The following RHOBTB2 variants were observed in gnomAD, a reference collection of about 807,000 sequenced individuals.
The protein encoded by RHOBTB2 is Rho related BTB domain containing 2.
RHOBTB2 carries 39 observed loss-of-function variants against 66.5 expected under a neutral mutation model. The observed-to-expected ratio is 0.59, with a 90% CI of 0.45 to 0.77. The LOEUF (loss-of-function observed/expected upper bound fraction) is 0.77. Among genes scored for constraint, RHOBTB2 ranks in the 30% least tolerant of loss-of-function variants. The pLI is 0.00. For synonymous variants in RHOBTB2, 390 were observed against 395.0 expected, an observed-to-expected ratio of 0.99 and a Z score of 0.15; for missense variants, 755 against 999.1, an observed-to-expected ratio of 0.76 and a Z score of 3.29.
chr8:22,998,572 A>C (rs1810645703), upstream of RHOBTB2, among the ~76,000 whole-genome samples: 1 of 152,104 alleles, frequency 6.6e-6, no homozygotes, highest in African/African-American at 2.4e-5. Flanking sequence ...CGTCTCTACC[A>C]AAAATACATA....
upstream of RHOBTB2, among the ~76,000 whole-genome samples, chr8:22,998,474 C>T (rs533788018): frequency 1.3e-5 from 2 of 152,270 alleles, no homozygotes; most frequent in Admixed American, 6.5e-5. Flanking sequence ...TGGCTCACGC[C>T]TGTAATCCTA....
At position 23,000,119 on chromosome 8, in the gene RHOBTB2, T is replaced by C. The variant is rs1209932861; in HGVS notation, c.-11+14T>C. 5.3e-5 allele frequency: 52 copies of C among 985,394 alleles called. No homozygotes were observed. Among genetic ancestry groups the C allele is most frequent in the Non-Finnish European group, 6.0e-5 (50 of 829,992 alleles). 61.0% of individuals were successfully genotyped at this position (985,394 alleles called of 1,614,324 possible). On this transcript the variant is annotated intron_variant, in intron 1 of 9. Coordinates refer to ENST00000251822, the MANE Select transcript of RHOBTB2 (RefSeq NM_015178.3). ...ACATGTAGTGGTGTAAGTAGATGGCTGCTTGCGGTTATGGCGGGGTGGCCA... is the reference window on the plus strand; with the variant it reads ...ACATGTAGTGGTGTAAGTAGATGGCCGCTTGCGGTTATGGCGGGGTGGCCA...
At chr8:22,977,571 CAA>C in the RHOBTB2 span, among the ~76,000 whole-genome samples, 680 of 136,564 alleles carry the variant, frequency 5.0e-3, 7 homozygotes, top group Middle Eastern at 0.031. Flanking sequence ...GACCCTTTCT[CAA>C]AAAAAAAAAA....
chr8:22,978,461 T>C, the RHOBTB2 span, among the ~76,000 whole-genome samples: 2 of 141,952 alleles, frequency 1.4e-5, no homozygotes, highest in Non-Finnish European at 3.0e-5. Flanking sequence ...CACTCCAGCC[T>C]GGGCGACAGA....
the RHOBTB2 span, among the ~76,000 whole-genome samples, chr8:22,960,852 G>C: frequency 6.6e-6 from 1 of 152,146 alleles, no homozygotes; most frequent in Admixed American, 6.5e-5. Flanking sequence ...GCCATGAATT[G>C]TAAGACCTTC....
At chr8:22,983,488 GA>G (rs113934503), upstream of RHOBTB2, among the ~76,000 whole-genome samples, 8,258 of 119,226 alleles carry the variant, frequency 0.069, 280 homozygotes, top group South Asian at 0.18. Context: ...CACCTCTCAA[GA>G]AAAAAAAAAA....
chr8:23,005,279 C>T lies in RHOBTB2; in HGVS notation c.193-93C>T, dbSNP rs527296721. 44 of 881,850 alleles carry T rather than the reference C, an allele frequency of 5.0e-5. No homozygotes were observed. The African/African-American group carries it at 6.4e-4, about 13-fold the overall frequency. The allele number at this position is 881,850 out of a possible 1,614,324, so 54.6% of individuals were successfully genotyped here. A position where few individuals can be genotyped will look rare whatever the true frequency, so the allele number is the denominator to read the frequency against. Reference sequence around the variant, plus strand: ...CCTCCATGCCCAGTGATGTCTGGGGCCCCCAGGTGTCAGCCGGCGCTTATC... The same window carrying T: ...CCTCCATGCCCAGTGATGTCTGGGGTCCCCAGGTGTCAGCCGGCGCTTATC... On this transcript the variant is annotated intron_variant, in intron 2 of 9. Transcript: ENST00000251822.
At chr8:22,996,448 G>A (rs1290965760), upstream of RHOBTB2, among the ~76,000 whole-genome samples, 1 of 151,238 alleles carries the variant, frequency 6.6e-6, no homozygotes, top group Non-Finnish European at 1.5e-5. Context: ...ACTGCTCCTC[G>A]GAATCACACC....
intron 1 of RHOBTB2, among the ~76,000 whole-genome samples, chr8:22,987,937 AGGAC>A (rs1810322174): frequency 6.6e-6 from 1 of 152,222 alleles, no homozygotes; most frequent in South Asian, 2.1e-4. Context: ...GACCCTGGCC[AGGAC>A]GGAACGGAAG....
the RHOBTB2 span, among the ~76,000 whole-genome samples, chr8:22,953,844 T>C: frequency 4.4e-4 from 67 of 152,294 alleles, no homozygotes; most frequent in African/African-American, 1.6e-3. Flanking sequence ...TGATGATACA[T>C]AGAAGAATGT....
chr8:22,998,983 G>T, upstream of RHOBTB2: 1 of 152,440 alleles, frequency 6.6e-6, no homozygotes. Flanking sequence ...TGGAGGTGGG[G>T]ACCCGCTGAA....
At position 23,004,590 on chromosome 8, in the gene RHOBTB2, A is replaced by G; in HGVS notation, c.156A>G (p.Thr52=). Residue 52 remains threonine, a synonymous_variant, in exon 2 of 10, where the codon ACA becomes ACG. Coordinates refer to ENST00000251822, the MANE Select transcript of RHOBTB2 (RefSeq NM_015178.3). The surrounding 1 kb of genome is among the most constrained non-coding windows in gnomAD (Gnocchi z 6.4). ...AGCTGCTGGCCACGCATGTGCCCAC[A>G]GTATGGGCCATCGACCAATATCGTG... is the stretch of plus-strand genomic sequence containing the variant. The part of the protein sequence containing the change: ...QYQLLATHVP[T]VWAIDQYRVC... The G allele has an allele frequency of 1.2e-6, 2 of 1,614,082 alleles. No individual in the cohort carries two copies. Among genetic ancestry groups the G allele is most frequent in the Non-Finnish European group, 1.7e-6 (2 of 1,180,008 alleles).
At chr8:22,966,815 A>T in the RHOBTB2 span, among the ~76,000 whole-genome samples, 13 of 152,296 alleles carry the variant, frequency 8.5e-5, no homozygotes, top group Admixed American at 2.0e-4. Flanking sequence ...AGCTCATAAT[A>T]AGTACGCAGA....
intron 5 of RHOBTB2, 24 bp from the exon 6 acceptor site, chr8:23,007,969 T>C: frequency 2.5e-6 from 4 of 1,600,236 alleles, no homozygotes; most frequent in Non-Finnish European, 3.4e-6. Context: ...TCACCAGTCC[T>C]CCTGTGATGC....
In RHOBTB2 at chr8:23,017,278, C is replaced by T. The variant is rs1187987935; in HGVS notation, c.1993C>T (p.Arg665Trp). Residue 665 changes from arginine to tryptophan, a missense_variant, in exon 10 of 10, where the codon CGG (arginine) becomes TGG (tryptophan). Coordinates refer to ENST00000251822, the MANE Select transcript of RHOBTB2 (RefSeq NM_015178.3). The surrounding 1 kb of genome is among the most constrained non-coding windows in gnomAD (Gnocchi z 5.3). ...PENQEYFEKH[R>W]WPPVWYLKEE... ...AAACCAGGAGTATTTCGAGAAGCAT[C>T]GGTGGCCACCTGTGTGGTACCTGAA... 5 of 1,614,050 alleles carry T rather than the reference C, an allele frequency of 3.1e-6. No individual in the cohort carries two copies. The highest frequency in any genetic ancestry group is 1.1e-5 in the South Asian group (1 of 91,086).
rs190255402 is a variant in RHOBTB2, at chr8:23,013,626, G to C, written c.1772-1064G>C. 1.2e-3 allele frequency among the ~76,000 whole-genome samples: 175 copies of C among 152,014 alleles called. 1 individual carries two copies. Among genetic ancestry groups the C allele is most frequent in the Middle Eastern group, 3.4e-3 (1 of 292 alleles). On this transcript the variant is annotated intron_variant, in intron 7 of 9. Transcript: ENST00000251822. ...TTCTCATGCCTCAGTCGCCCGAGTA[G>C]CTGGGATTACAGGCACGTACCAACA...
the RHOBTB2 span, among the ~76,000 whole-genome samples, chr8:22,956,755 G>C: frequency 6.6e-6 from 1 of 152,118 alleles, no homozygotes; most frequent in African/African-American, 2.4e-5. Flanking sequence ...TCCGCCTCCC[G>C]GATTCAGGCA....
chr8:22,964,962 GC>G, the RHOBTB2 span, among the ~76,000 whole-genome samples: 7 of 151,754 alleles, frequency 4.6e-5, no homozygotes, highest in Non-Finnish European at 8.8e-5. Context: ...GATTACAGGC[GC>G]CCACCACCAC....
At chr8:22,952,899 C>A in the RHOBTB2 span, among the ~76,000 whole-genome samples, 2 of 151,824 alleles carry the variant, frequency 1.3e-5, no homozygotes, top group African/African-American at 2.4e-5. Context: ...GAGTGAAACT[C>A]CTGTTCAAAA....
Sources: gnomAD v4.1 joint callset for allele counts (sites outside exome capture counted in the v4.1 genomes callset) on GRCh38, gnomAD v4.1.1 for gene constraint, Gnocchi (gnomAD v3.1) non-coding constraint, MANE v1.5 for transcripts, NCBI Gene and HGNC (gene_info 2026-07-23, HGNC 2026-07-21) for gene names.